Variants in NKAIN3 observed in about 807,000 individuals in gnomAD.
The protein encoded by NKAIN3 is sodium/potassium transporting ATPase interacting 3.
NKAIN3 carries 25 observed loss-of-function variants against 30.2 expected under a neutral mutation model. The ratio of observed to expected loss-of-function variants is 0.83; its 90% CI spans 0.60 to 1.16. NKAIN3 has a LOEUF of 1.16. Among genes scored for constraint, NKAIN3 ranks in the 50% most tolerant of loss-of-function variants. The pLI, the probability that NKAIN3 is intolerant of heterozygous loss-of-function variation, is 0.00. For synonymous variants in NKAIN3, 91 were observed against 89.6 expected, an observed-to-expected ratio of 1.02 and a Z score of -0.09; for missense variants, 225 against 254.1, an observed-to-expected ratio of 0.89 and a Z score of 0.78.
intron 1 of NKAIN3, among the ~76,000 whole-genome samples, chr8:62,327,354 C>T (rs534944329): frequency 3.9e-5 from 6 of 152,040 alleles, no homozygotes; most frequent in South Asian, 4.1e-4. Context: ...TCTTTTGTCA[C>T]GTGTGTCTTT....
intron 1 of NKAIN3, among the ~76,000 whole-genome samples, chr8:62,357,768 C>T (rs1412649755): frequency 1.3e-5 from 2 of 152,104 alleles, no homozygotes. Context: ...TAACTGTTAG[C>T]AGAGTTTGCA....
intron 1 of NKAIN3, among the ~76,000 whole-genome samples, chr8:62,408,991 A>C (rs1437554827): frequency 6.6e-6 from 1 of 152,132 alleles, no homozygotes; most frequent in African/African-American, 2.4e-5. Flanking sequence ...AAAATAGAAA[A>C]ATGGTTTTGA....
intron 4 of NKAIN3, among the ~76,000 whole-genome samples, chr8:62,807,556 G>GGTT: frequency 1.5e-5 from 2 of 134,288 alleles, no homozygotes; most frequent in South Asian, 4.7e-4. Context: ...TTCTTTTCTG[G>GGTT]TTTTTTTTTT....
Position 62,972,188 on chromosome 8 carries a change from T to G in NKAIN3, c.*6781T>G, listed in dbSNP as rs28454715. Among the ~76,000 whole-genome samples the G allele has an allele frequency of 8.4e-3, 1,282 of 152,326 alleles. 23 individuals are homozygous for G. Among genetic ancestry groups the G allele is most frequent in the African/African-American group, 0.03 (1,242 of 41,554 alleles). ...CTTGGGAAGTCAGGAGTACGAGAGA[T>G]AAATAAGAAGTATATGATCTTTTCT... On this transcript the variant is annotated 3_prime_UTR_variant, in exon 7 of 7. Coordinates refer to ENST00000623646, the MANE Select transcript of NKAIN3 (RefSeq NM_001304533.3).
intron 4 of NKAIN3, among the ~76,000 whole-genome samples, chr8:62,901,999 G>A (rs4237060): frequency 0.77 from 117,652 of 152,048 alleles, 46,380 homozygotes; most frequent in East Asian, 0.98. Context: ...ACAGGCAGGG[G>A]GTGGACATGT....
At chr8:62,527,629 T>A (rs945149723) in intron 1 of NKAIN3, among the ~76,000 whole-genome samples, 1 of 152,188 alleles carries the variant, frequency 6.6e-6, no homozygotes, top group Non-Finnish European at 1.5e-5. Context: ...ATATAAAGAA[T>A]GTTTGCCCTT....
intron 1 of NKAIN3, among the ~76,000 whole-genome samples, chr8:62,375,724 G>C (rs1490904495): frequency 6.6e-6 from 1 of 152,046 alleles, no homozygotes; most frequent in East Asian, 1.9e-4. Flanking sequence ...AAGAAAACCA[G>C]TTACAGAAAG....
In NKAIN3 at chr8:62,983,468, G is replaced by A. The variant is rs546923905; in HGVS notation, c.*18061G>A. On this transcript the variant is annotated 3_prime_UTR_variant, in exon 7 of 7. Coordinates refer to ENST00000623646, the MANE Select transcript of NKAIN3 (RefSeq NM_001304533.3). ...TCCCTAAGCATTCAACAAACACTTA[G>A]TGACCATCTGTCTTGTGCAAAAAGC... 12 of 152,260 alleles carry A rather than the reference G, an allele frequency of 7.9e-5. No homozygotes were observed. The highest frequency in any genetic ancestry group is 7.2e-4 in the Admixed American group (11 of 15,298). The allele number at this position is 152,260 out of a possible 1,614,324, so 9.4% of individuals were successfully genotyped here. A position where few individuals can be genotyped will look rare whatever the true frequency, so the allele number is the denominator to read the frequency against.
At chr8:62,993,680 G>C (rs1804033879) in intron 5 of NKAIN3, among the ~76,000 whole-genome samples, 1 of 152,072 alleles carries the variant, frequency 6.6e-6, no homozygotes, top group African/African-American at 2.4e-5. Flanking sequence ...TGTTCTGGTT[G>C]GGCCTGATGT....
chr8:62,754,726 G>T (rs1490505899), intron 4 of NKAIN3, among the ~76,000 whole-genome samples: 1 of 152,120 alleles, frequency 6.6e-6, no homozygotes, highest in African/African-American at 2.4e-5. Context: ...TCAGCTTAAT[G>T]ATAAATTAAA....
At chr8:62,741,095 C>G (rs531890829) in intron 3 of NKAIN3, among the ~76,000 whole-genome samples, 1 of 150,566 alleles carries the variant, frequency 6.6e-6, no homozygotes, top group African/African-American at 2.4e-5. Context: ...GTTTTTTACT[C>G]CCAGAACTCT....
rs1384321990 is a variant in NKAIN3 at position 62,982,236 on chromosome 8, T to C, written c.*16829T>C. On this transcript the variant is annotated 3_prime_UTR_variant, in exon 7 of 7. Transcript: ENST00000623646. ...AAGAACAGGTACCATTTTCTCCAGA[T>C]ACTTCCCCTTCATCTGTCCTGAAAT... The C allele has an allele frequency of 6.6e-6, 1 of 152,218 alleles. No individual in the cohort carries two copies. Among genetic ancestry groups the C allele is most frequent in the African/African-American group, 2.4e-5 (1 of 41,460 alleles). 9.4% of individuals were successfully genotyped at this position (152,218 alleles called of 1,614,324 possible).
intron 1 of NKAIN3, among the ~76,000 whole-genome samples, chr8:62,517,646 G>A (rs770619387): frequency 6.6e-6 from 1 of 152,048 alleles, no homozygotes; most frequent in Non-Finnish European, 1.5e-5. Context: ...GGCACCAGTA[G>A]TTTCCACCCC....
chr8:62,789,648 G>A (rs1165517449), intron 4 of NKAIN3, among the ~76,000 whole-genome samples: 1 of 152,000 alleles, frequency 6.6e-6, no homozygotes, highest in Non-Finnish European at 1.5e-5. Context: ...CAATCCCACA[G>A]AAATACAAGC....
intron 4 of NKAIN3, among the ~76,000 whole-genome samples, chr8:62,895,387 C>A (rs1474386994): frequency 6.6e-6 from 1 of 152,192 alleles, no homozygotes; most frequent in Non-Finnish European, 1.5e-5. Flanking sequence ...CAGTCACAAA[C>A]CAGCAACATC....
chr8:62,837,643 C>T lies in NKAIN3; in HGVS notation c.472-80810C>T, dbSNP rs140829341. 2.5e-3 allele frequency among the ~76,000 whole-genome samples: 386 copies of T among 152,176 alleles called. 3 individuals carry two copies. Among genetic ancestry groups the T allele is most frequent in the African/African-American group, 7.6e-3 (316 of 41,520 alleles). ...TTCCCATCTGTCTGCTGATTTGTAA[C>T]AGAATAATTATTTTATAGCTAGTAG... On this transcript the variant is annotated intron_variant, in intron 4 of 6. Coordinates refer to ENST00000623646, the MANE Select transcript of NKAIN3 (RefSeq NM_001304533.3).
intron 1 of NKAIN3, among the ~76,000 whole-genome samples, chr8:62,408,070 AC>A (rs1804130252): frequency 6.6e-6 from 1 of 152,166 alleles, no homozygotes; most frequent in Non-Finnish European, 1.5e-5. Flanking sequence ...ATAGGATCGC[AC>A]TGTATTATAG....
chr8:62,797,744 T>G (rs1402356650), intron 4 of NKAIN3, among the ~76,000 whole-genome samples: 1 of 152,160 alleles, frequency 6.6e-6, no homozygotes, highest in Non-Finnish European at 1.5e-5. Flanking sequence ...TAACCCTCAG[T>G]GACTCAGAAT....
chr8:62,920,728 C>G (rs1822252509), intron 5 of NKAIN3, among the ~76,000 whole-genome samples: 1 of 152,162 alleles, frequency 6.6e-6, no homozygotes, highest in African/African-American at 2.4e-5. Flanking sequence ...TAGGGCCATA[C>G]ATTACATTAC....
Sources: gnomAD v4.1 joint callset for allele counts (sites outside exome capture counted in the v4.1 genomes callset) on GRCh38, gnomAD v4.1.1 for gene constraint, MANE v1.5 for transcripts, NCBI Gene and HGNC (gene_info 2026-07-23, HGNC 2026-07-21) for gene names.